OR9Q1: variants seen among roughly 807,000 people sequenced by gnomAD.
The protein encoded by OR9Q1 is olfactory receptor 9Q1.
For missense variants in OR9Q1, 374 were observed against 378.8 expected, an observed-to-expected ratio of 0.99 and a Z score of 0.11; for synonymous variants, 153 against 148.6, an observed-to-expected ratio of 1.03 and a Z score of -0.22.
At chr11:58,178,618 T>C (rs1011091246) in intron 2 of OR9Q1, among the ~76,000 whole-genome samples, 2 of 151,968 alleles carry the variant, frequency 1.3e-5, no homozygotes, top group Non-Finnish European at 2.9e-5. Flanking sequence ...GATATTACAA[T>C]GGTAGGCAAG....
intron 2 of OR9Q1, among the ~76,000 whole-genome samples, chr11:58,060,331 A>C (rs1189780250): frequency 6.6e-6 from 1 of 152,230 alleles, no homozygotes; most frequent in Non-Finnish European, 1.5e-5. Context: ...GAAATTTTCA[A>C]ACTGGATAAA....
chr11:58,171,355 T>C (rs767677482), intron 2 of OR9Q1: 2 of 152,342 alleles, frequency 1.3e-5, no homozygotes, highest in Non-Finnish European at 2.9e-5. Context: ...AATTGGGTGA[T>C]AGCTTCCTCC....
chr11:58,031,935 C>A, intron 1 of OR9Q1: 2 of 1,345,160 alleles, frequency 1.5e-6, no homozygotes, highest in Non-Finnish European at 2.1e-6. Context: ...AGTTTCCTTG[C>A]CTTGGATATT....
chr11:58,079,834 G>A (rs964044285), intron 2 of OR9Q1, among the ~76,000 whole-genome samples: 1 of 152,142 alleles, frequency 6.6e-6, no homozygotes. Context: ...AGGCAAATGA[G>A]CATATCCAAC....
chr11:58,035,515 G>T (rs1435176023), intron 1 of OR9Q1, among the ~76,000 whole-genome samples: 2 of 152,196 alleles, frequency 1.3e-5, no homozygotes, highest in Admixed American at 6.5e-5. Flanking sequence ...TTCTTTACAT[G>T]TAGGTAGATG....
chr11:58,093,400 C>A (rs988573062), intron 2 of OR9Q1, among the ~76,000 whole-genome samples: 1 of 151,998 alleles, frequency 6.6e-6, no homozygotes. Context: ...ATACAAATGA[C>A]CAACAAGCAT....
intron 2 of OR9Q1, among the ~76,000 whole-genome samples, chr11:58,110,017 G>A (rs776604631): frequency 6.6e-6 from 1 of 152,186 alleles, no homozygotes; most frequent in Non-Finnish European, 1.5e-5. Context: ...TAGCTCAGGT[G>A]TGCATGAGGG....
intron 1 of OR9Q1, among the ~76,000 whole-genome samples, chr11:58,043,385 C>T (rs1590551980): frequency 1.3e-5 from 2 of 152,208 alleles, no homozygotes; most frequent in South Asian, 4.1e-4. Flanking sequence ...TCCAATCTCC[C>T]TCCTTTGTCT....
chr11:58,112,117 G>C (rs1853907348), intron 2 of OR9Q1, among the ~76,000 whole-genome samples: 2 of 151,616 alleles, frequency 1.3e-5, no homozygotes, highest in South Asian at 4.2e-4. Flanking sequence ...GTGAAACTCT[G>C]TCTCTACTAA....
intron 2 of OR9Q1, chr11:58,118,488 TCTTA>T: frequency 2.6e-6 from 4 of 1,541,248 alleles, no homozygotes; most frequent in Non-Finnish European, 2.6e-6. Flanking sequence ...CAAGAATTCC[TCTTA>T]CTTAGATCTA....
chr11:58,054,496 A>G (rs1382607725), intron 1 of OR9Q1, among the ~76,000 whole-genome samples: 1 of 152,196 alleles, frequency 6.6e-6, no homozygotes, highest in Non-Finnish European at 1.5e-5. Flanking sequence ...TTACTCTTTC[A>G]ACTACAATAT....
intron 1 of OR9Q1, chr11:58,044,676 A>C (rs936181784): frequency 6.6e-6 from 1 of 152,306 alleles, no homozygotes; most frequent in Admixed American, 6.5e-5. Context: ...CAGATAATTA[A>C]AAATGTGTTC....
chr11:58,076,250 G>A (rs189022618), intron 2 of OR9Q1, among the ~76,000 whole-genome samples: 8 of 152,292 alleles, frequency 5.3e-5, no homozygotes, highest in Admixed American at 2.6e-4. Context: ...TAATTTCCAT[G>A]AGTCAAGAGT....
rs1353654496 is a variant in OR9Q1, at chr11:58,116,084, G to T, written c.-15+60137G>T. ...TCCTTCTCACATAAAAGAAGCCCGA[G>T]GATAGGCAGCCCAGGGCCCATAGGG... is the stretch of plus-strand genomic sequence containing the variant. On this transcript the variant is annotated intron_variant, in intron 2 of 2. Transcript: ENST00000335397. 2.0e-5 allele frequency among the ~76,000 whole-genome samples: 3 copies of T among 152,154 alleles called. No homozygotes were observed. The East Asian group carries it at 5.8e-4, about 29-fold the overall frequency.
intron 2 of OR9Q1, among the ~76,000 whole-genome samples, chr11:58,147,672 G>T (rs1289924110): frequency 6.6e-6 from 1 of 152,124 alleles, no homozygotes; most frequent in Non-Finnish European, 1.5e-5. Context: ...AAAATAAAAT[G>T]AAGTTTTAGT....
At chr11:58,159,422 C>T (rs1590621295) in intron 2 of OR9Q1, among the ~76,000 whole-genome samples, 1 of 151,848 alleles carries the variant, frequency 6.6e-6, no homozygotes, top group East Asian at 2.0e-4. Flanking sequence ...ATACAGAAGC[C>T]ACCTAGCATC....
chr11:58,105,122 A>G (rs1853827780), intron 2 of OR9Q1, among the ~76,000 whole-genome samples: 1 of 151,900 alleles, frequency 6.6e-6, no homozygotes, highest in African/African-American at 2.4e-5. Flanking sequence ...AATAGCAGAG[A>G]GGATACAAGT....
At chr11:58,134,574 A>G (rs373909563) in intron 2 of OR9Q1, among the ~76,000 whole-genome samples, 25 of 152,316 alleles carry the variant, frequency 1.6e-4, no homozygotes, top group Middle Eastern at 3.4e-3. Context: ...GTGAGAAGGC[A>G]CTGGGGAAGG....
intron 2 of OR9Q1, among the ~76,000 whole-genome samples, chr11:58,058,113 G>T (rs529414870): frequency 1.3e-5 from 2 of 152,308 alleles, no homozygotes; most frequent in Admixed American, 6.5e-5. Context: ...ACTGGGAAAG[G>T]CTTCTTGGCC....
Sources: gnomAD v4.1 joint callset for allele counts (sites outside exome capture counted in the v4.1 genomes callset) on GRCh38, gnomAD v4.1.1 for gene constraint, MANE v1.5 for transcripts, NCBI Gene and HGNC (gene_info 2026-07-23, HGNC 2026-07-21) for gene names.